FAM178B: variants seen among roughly 807,000 people sequenced by gnomAD.
FAM178B encodes the protein protein FAM178B.
FAM178B carries 82 observed loss-of-function variants against 91.7 expected under a neutral mutation model. That is an observed-to-expected ratio of 0.89 (90% CI 0.75 to 1.07). FAM178B has a LOEUF of 1.07. Ranked by LOEUF, FAM178B falls within the 50% of genes least tolerant of loss-of-function variation. The probability of loss-of-function intolerance (pLI) is 0.00; values close to 1 mark genes in which losing one functional copy is unlikely to be tolerated. For missense variants in FAM178B, 769 were observed against 846.7 expected (o/e 0.91, Z 1.14); for synonymous variants, 368 against 359.4 (o/e 1.02, Z -0.27).
intron 5 of FAM178B, 65 bp from the exon 6 acceptor site, chr2:96,960,505 T>C (rs2082064765): frequency 1.3e-6 from 2 of 1,482,890 alleles, no homozygotes; most frequent in South Asian, 2.7e-5. Context: ...GGCATGGCCA[T>C]TAGCCCAGGG....
chr2:96,906,979 G>A (rs2081069256), intron 12 of FAM178B, among the ~76,000 whole-genome samples: 1 of 152,206 alleles, frequency 6.6e-6, no homozygotes, highest in Non-Finnish European at 1.5e-5. Context: ...GCCCGGGGGT[G>A]AGGGGAGCAG....
At chr2:96,894,072 T>C (rs1439968480) in intron 13 of FAM178B, 21 bp from the exon 14 acceptor site, 1 of 1,591,132 alleles carries the variant, frequency 6.3e-7, no homozygotes, top group Non-Finnish European at 8.5e-7. Flanking sequence ...GAAGGGAGGC[T>C]GTCACTCACA....
intron 8 of FAM178B, among the ~76,000 whole-genome samples, chr2:96,929,844 G>A (rs981795649): frequency 6.6e-6 from 1 of 152,202 alleles, no homozygotes; most frequent in African/African-American, 2.4e-5. Context: ...CACAGCCTGG[G>A]GCGTGTCTCC....
chr2:96,916,451 C>G (rs926724489), intron 12 of FAM178B, among the ~76,000 whole-genome samples: 1 of 152,216 alleles, frequency 6.6e-6, no homozygotes, highest in Non-Finnish European at 1.5e-5. Flanking sequence ...TTTGAAGCAG[C>G]GCACACAGGA....
rs114286669 is a variant in FAM178B at position 96,950,018 on chromosome 2, C to T, written c.993+1361G>A. ...CTGGGTCCTGCACTCCTCTCCCCTC[C>T]AGCCCCCTCGCAGCATGATGGAGAC... On this transcript the variant is annotated intron_variant, in intron 7 of 16. Coordinates refer to ENST00000490605, the MANE Select transcript of FAM178B (RefSeq NM_001122646.3). The T allele has an allele frequency of 3.0e-4, 292 of 985,864 alleles. 1 individual carries two copies. The African/African-American group carries it at 4.8e-3, about 16-fold the overall frequency. 61.1% of individuals were successfully genotyped at this position (985,864 alleles called of 1,614,324 possible). A position where few individuals can be genotyped will look rare whatever the true frequency, so the allele number is the denominator to read the frequency against.
At position 96,881,950 on chromosome 2, in the gene FAM178B, C is replaced by T. The variant is rs77989747; in HGVS notation, c.1777-3457G>A. 4.8e-3 allele frequency among the ~76,000 whole-genome samples: 735 copies of T among 152,274 alleles called. 5 individuals carry two copies. Among genetic ancestry groups the T allele is most frequent in the African/African-American group, 0.017 (712 of 41,566 alleles). On this transcript the variant is annotated intron_variant, in intron 14 of 16. Coordinates refer to ENST00000490605, the MANE Select transcript of FAM178B (RefSeq NM_001122646.3). ...TTTGAGGTGCTTCCTATAAGGAAGA[C>T]GTTGACCCAATTTAAGGAGATTGGT...
At chr2:96,911,924 A>G (rs6732237) in intron 12 of FAM178B, among the ~76,000 whole-genome samples, 2 of 152,114 alleles carry the variant, frequency 1.3e-5, no homozygotes, top group Admixed American at 6.5e-5. Context: ...CCACACAGAT[A>G]GGTGCTCAGC....
In FAM178B at chr2:96,972,337, G is replaced by A; in HGVS notation, c.143-15C>T. ...AGCCTGCACCCCTGCAGACAGGACA[G>A]AATACTGTGGTCCCTCTGCCCACCT... On this transcript the variant is annotated splice_polypyrimidine_tract_variant and intron_variant, in intron 2 of 16. Coordinates refer to ENST00000490605, the MANE Select transcript of FAM178B (RefSeq NM_001122646.3). The A allele has an allele frequency of 2.0e-6, 3 of 1,468,218 alleles. No individual in the cohort carries two copies. 90.9% of individuals were successfully genotyped at this position (1,468,218 alleles called of 1,614,324 possible). A position where few individuals can be genotyped will look rare whatever the true frequency, so the allele number is the denominator to read the frequency against.
chr2:96,937,473 G>A (rs566421463), intron 8 of FAM178B, among the ~76,000 whole-genome samples: 35 of 152,226 alleles, frequency 2.3e-4, no homozygotes, highest in African/African-American at 7.0e-4. Flanking sequence ...TGCCAGCCCC[G>A]GCTCCCCTCT....
intron 14 of FAM178B, among the ~76,000 whole-genome samples, chr2:96,883,640 G>T (rs2080445185): frequency 1.3e-5 from 2 of 152,196 alleles, no homozygotes; most frequent in African/African-American, 4.8e-5. Flanking sequence ...AACCAAGGCT[G>T]ACCCAGGAAC....
intron 1 of FAM178B, among the ~76,000 whole-genome samples, chr2:96,983,910 T>C (rs2082392681): frequency 6.6e-6 from 1 of 152,358 alleles, no homozygotes; most frequent in East Asian, 1.9e-4. Flanking sequence ...TACTTATTTA[T>C]CCATTCCGCT....
At chr2:96,922,372 CAG>C (rs1381244433) in intron 10 of FAM178B, among the ~76,000 whole-genome samples, 1 of 152,210 alleles carries the variant, frequency 6.6e-6, no homozygotes, top group Non-Finnish European at 1.5e-5. Context: ...TTTTTTGAGA[CAG>C]AGTCTTGCTC....
Position 96,902,677 on chromosome 2 carries a change from G to A in FAM178B, c.1593C>T (p.Val531=), listed in dbSNP as rs1272864100. 2 of 1,550,744 alleles carry A rather than the reference G, an allele frequency of 1.3e-6. No individual in the cohort carries two copies. The highest frequency in any genetic ancestry group is 2.4e-5 in the South Asian group (2 of 84,010). Residue 531 remains valine (V), a synonymous_variant, in exon 13 of 17, where the codon GTC becomes GTT. Transcript: ENST00000490605. The stretch of plus-strand genomic sequence containing the variant: ...CCTGCTGGCCCAGCATTCGAGCAAT[G>A]ACCACAAGGCTGAGCTGGCTTCGAA... ...RRLRSQLSLV[V]IARMLGQQEM...
At chr2:96,895,133 C>T (rs1284855651) in intron 13 of FAM178B, 24 of 1,288,026 alleles carry the variant, frequency 1.9e-5, no homozygotes, top group Middle Eastern at 2.1e-4. Context: ...CTCCCCTTCC[C>T]GCTCTTTTCC....
At chr2:96,962,112 G>A (rs1243292474) in intron 5 of FAM178B, among the ~76,000 whole-genome samples, 1 of 152,092 alleles carries the variant, frequency 6.6e-6, no homozygotes, top group African/African-American at 2.4e-5. Flanking sequence ...GACCAGCCTG[G>A]CCAACATGGT....
intron 13 of FAM178B, among the ~76,000 whole-genome samples, chr2:96,895,957 C>T (rs550325591): frequency 6.6e-6 from 1 of 152,344 alleles, no homozygotes; most frequent in South Asian, 2.1e-4. Context: ...AGCCTAGTTT[C>T]TGATCCTTTT....
At chr2:96,902,206 C>T (rs537646324) in intron 13 of FAM178B, among the ~76,000 whole-genome samples, 5 of 151,874 alleles carry the variant, frequency 3.3e-5, no homozygotes, top group South Asian at 2.1e-4. Context: ...CCCAGGTTCA[C>T]GCCATTCTCC....
At chr2:96,905,851 TATATA>T (rs1559064335) in intron 12 of FAM178B, among the ~76,000 whole-genome samples, 12 of 28,318 alleles carry the variant, frequency 4.2e-4, no homozygotes, top group African/African-American at 9.7e-4. Flanking sequence ...TATATATATA[TATATA>T]TATATTTTTT....
rs1316489523 is a variant in FAM178B at position 96,921,300 on chromosome 2, A to C, written c.1465-38T>G. On this transcript the variant is annotated intron_variant, in intron 11 of 16. Coordinates refer to ENST00000490605, the MANE Select transcript of FAM178B (RefSeq NM_001122646.3). ...GGCACCCCATGGGCTACAGGAGGAC[A>C]CCGCCTTCCCCTTGCTCTCGCCACC... The C allele has an allele frequency of 2.6e-6, 4 of 1,539,454 alleles. No individual in the cohort carries two copies. In the South Asian group the frequency reaches 3.6e-5, roughly 14 times the overall value.
Sources: gnomAD v4.1 joint callset for allele counts (sites outside exome capture counted in the v4.1 genomes callset) on GRCh38, gnomAD v4.1.1 for gene constraint, MANE v1.5 for transcripts, NCBI Gene and HGNC (gene_info 2026-07-23, HGNC 2026-07-21) for gene names.